H2BC13: variants seen among roughly 807,000 people sequenced by gnomAD.
H2BC13 encodes histone H2B type 1-L.
H2BC13 carries 12 observed loss-of-function variants against 6.3 expected under a neutral mutation model. The observed-to-expected ratio is 1.90, with a 90% confidence interval of 1.22 to 3.08. The LOEUF (loss-of-function observed/expected upper bound fraction) is 3.08. H2BC13 is among the 30% of genes most tolerant of loss of function. The pLI is 0.00. For synonymous variants in H2BC13, 109 were observed against 74.3 expected (o/e 1.47, Z -2.40); for missense variants, 164 against 170.4 (o/e 0.96, Z 0.21).
chr6:27,807,824 T>C lies in H2BC13; in HGVS notation c.83A>G (p.Lys28Arg). The change falls in exon 1 of 1, where the codon AAG becomes AGG. Residue 28 changes from lysine to arginine, a missense_variant. Physicochemically the swap from Lys to Arg is conservative, Grantham distance 26. Transcript: ENST00000377401. ...CTCCTTGCGGCTGCGCTTGCGCTTC[T>C]TGCCATCCTTCTTCTGGGCCTTGGT... ...AVTKAQKKDG[K>R]KRKRSRKESY... The C allele has an allele frequency of 6.2e-7, 1 of 1,614,260 alleles. No homozygotes were observed. Among genetic ancestry groups the C allele is most frequent in the Non-Finnish European group, 8.5e-7 (1 of 1,180,048 alleles).
In H2BC13 at chr6:27,807,917, T is replaced by C. The variant is rs1158223239; in HGVS notation, c.-11A>G. On this transcript the variant is annotated 5_prime_UTR_variant, in exon 1 of 1. Transcript: ENST00000377401. ...GGCCAGCTCGGGCATAATGAAACAA[T>C]AGTGGCAAAACCAAAACAAGAAGTC... 16 of 1,612,922 alleles carry C rather than the reference T, an allele frequency of 9.9e-6. No individual in the cohort carries two copies. The highest frequency in any genetic ancestry group is 6.7e-5 in the Admixed American group (4 of 59,668).
At position 27,807,514 on chromosome 6, in the gene H2BC13, G is replaced by C. The variant is rs756982375; in HGVS notation, c.*12C>G. 6.2e-7 allele frequency: 1 copy of C among 1,613,786 alleles called. No homozygotes were observed. Among genetic ancestry groups the C allele is most frequent in the South Asian group, 1.1e-5 (1 of 91,056 alleles). ...TGAAAAGAGCCTTTGGGTTGGACAA[G>C]AGCTTGAGAATTTACTTGGAGCTGG... On this transcript the variant is annotated 3_prime_UTR_variant, in exon 1 of 1. Coordinates refer to ENST00000377401, the MANE Select transcript of H2BC13 (RefSeq NM_003519.4).
At position 27,807,615 on chromosome 6, in the gene H2BC13, C is replaced by G; in HGVS notation, c.292G>C (p.Ala98Pro). 1.9e-6 allele frequency: 3 copies of G among 1,614,222 alleles called. No homozygotes were observed. Among genetic ancestry groups the G allele is most frequent in the Non-Finnish European group, 2.5e-6 (3 of 1,180,036 alleles). Residue 98 changes from alanine to proline, a missense_variant, in exon 1 of 1, where the codon GCC (alanine) becomes CCC (proline). Coordinates refer to ENST00000377401, the MANE Select transcript of H2BC13 (RefSeq NM_003519.4). ...STITSREIQT[A>P]VRLLLPGELA... ...TCCCCCGGAAGCAGCAGGCGCACGG[C>G]GGTCTGGATCTCCCTGGAGGTGATG...
In H2BC13 at chr6:27,807,674, G is replaced by A. The variant is rs1281109818; in HGVS notation, c.233C>T (p.Ala78Val). 1.2e-6 allele frequency: 2 copies of A among 1,614,250 alleles called. No homozygotes were observed. Among genetic ancestry groups the A allele is most frequent in the Non-Finnish European group, 1.7e-6 (2 of 1,180,032 alleles). ...CTTGTTGTAGTGCGCCAGGCGGGAAGCCTCGCTTGCGATGCGCTCGAAGAT... is the reference window on the plus strand; with the variant it reads ...CTTGTTGTAGTGCGCCAGGCGGGAAACCTCGCTTGCGATGCGCTCGAAGAT... ...NDIFERIASE[A>V]SRLAHYNKRS... is the part of the protein sequence containing the mutation. The change falls in exon 1 of 1, where the codon GCT (alanine) becomes GTT (valine). Residue 78 changes from alanine to valine, a missense_variant. Physicochemically the swap from Ala to Val is moderately conservative, Grantham distance 64. Transcript: ENST00000377401.
rs1760468978 is a variant in H2BC13 at position 27,807,832 on chromosome 6, C to T, written c.75G>A (p.Lys25=). 2.5e-6 allele frequency: 4 copies of T among 1,614,176 alleles called. No homozygotes were observed. Among genetic ancestry groups the T allele is most frequent in the Non-Finnish European group, 3.4e-6 (4 of 1,179,976 alleles). ...GGCTGCGCTTGCGCTTCTTGCCATC[C>T]TTCTTCTGGGCCTTGGTCACCGCCT... ...SKKAVTKAQK[K]DGKKRKRSRK... The change falls in exon 1 of 1, where the codon AAG becomes AAA. Residue 25 remains lysine, a synonymous_variant. Transcript: ENST00000377401.
In H2BC13 at chr6:27,807,675, C is replaced by T; in HGVS notation, c.232G>A (p.Ala78Thr). 2 of 1,614,224 alleles carry T rather than the reference C, an allele frequency of 1.2e-6. No homozygotes were observed. Residue 78 changes from alanine (A) to threonine (T), a missense_variant, in exon 1 of 1, where the codon GCT becomes ACT. Transcript: ENST00000377401. The part of the protein sequence containing the change: ...NDIFERIASE[A>T]SRLAHYNKRS... ...TTGTTGTAGTGCGCCAGGCGGGAAG[C>T]CTCGCTTGCGATGCGCTCGAAGATG...
chr6:27,807,637 G>C lies in H2BC13; in HGVS notation c.270C>G (p.Ile90Met). 1.2e-6 allele frequency: 2 copies of C among 1,614,252 alleles called. No individual in the cohort carries two copies. Among genetic ancestry groups the C allele is most frequent in the Non-Finnish European group, 8.5e-7 (1 of 1,180,042 alleles). The change falls in exon 1 of 1, where the codon ATC (isoleucine) becomes ATG (methionine). Residue 90 changes from isoleucine (I) to methionine (M), a missense_variant. By Grantham distance (10) the Ile-to-Met change is conservative. Transcript: ENST00000377401. ...CGGCGGTCTGGATCTCCCTGGAGGT[G>C]ATGGTCGAGCGCTTGTTGTAGTGCG... ...RLAHYNKRST[I>M]TSREIQTAVR...
In H2BC13 at chr6:27,807,799, C is replaced by T. The variant is rs772348767; in HGVS notation, c.108G>A (p.Glu36=). 1 of 1,614,232 alleles carries T rather than the reference C, an allele frequency of 6.2e-7. No homozygotes were observed. The highest frequency in any genetic ancestry group is 8.5e-7 in the Non-Finnish European group (1 of 1,180,050). ...DGKKRKRSRK[E]SYSVYVYKVL... Reference sequence around the variant, plus strand: ...CCTTGTACACGTACACGGAGTAGCTCTCCTTGCGGCTGCGCTTGCGCTTCT... The same window carrying T: ...CCTTGTACACGTACACGGAGTAGCTTTCCTTGCGGCTGCGCTTGCGCTTCT... Residue 36 remains glutamate (E), a synonymous_variant, in exon 1 of 1, where the codon GAG becomes GAA. Coordinates refer to ENST00000377401, the MANE Select transcript of H2BC13 (RefSeq NM_003519.4).
In H2BC13 at chr6:27,807,699, T is replaced by C; in HGVS notation, c.208A>G (p.Ile70Val). The C allele has an allele frequency of 6.2e-7, 1 of 1,614,210 alleles. No homozygotes were observed. Among genetic ancestry groups the C allele is most frequent in the South Asian group, 1.1e-5 (1 of 91,088 alleles). ...GCCTCGCTTGCGATGCGCTCGAAGA[T>C]GTCGTTGACGAAGGAGTTCATGATT... ...MGIMNSFVND[I>V]FERIASEASR... The change falls in exon 1 of 1, where the codon ATC becomes GTC. Residue 70 changes from isoleucine (I) to valine (V), a missense_variant. By Grantham distance (29) the Ile-to-Val change is conservative. Transcript: ENST00000377401.
rs780475526 is a variant in H2BC13, at chr6:27,807,882, G to A, written c.25C>T (p.Pro9Ser). 3 of 1,614,174 alleles carry A rather than the reference G, an allele frequency of 1.9e-6. No homozygotes were observed. The highest frequency in any genetic ancestry group is 2.5e-6 in the Non-Finnish European group (3 of 1,180,032). Residue 9 changes from proline (P) to serine (S), a missense_variant, in exon 1 of 1, where the codon CCC becomes TCC. By Grantham distance (74) the Pro-to-Ser change is moderately conservative. Transcript: ENST00000377401. ...TTCTTGGAGCCCTTCTTCGGGGCGG[G>A]AGCAGACTTGGCCAGCTCGGGCATA... is the stretch of plus-strand genomic sequence containing the variant. The part of the protein sequence containing the change: MPELAKSA[P>S]APKKGSKKAV...
rs1415181890 is a variant in H2BC13 at position 27,807,775 on chromosome 6, C to T, written c.132G>A (p.Lys44=). Residue 44 remains lysine (K), a synonymous_variant, in exon 1 of 1, where the codon AAG becomes AAA. Transcript: ENST00000377401. Reference sequence around the variant, plus strand: ...TGTCGGGGTGGACCTGCTTCAGCACCTTGTACACGTACACGGAGTAGCTCT... The same window carrying T: ...TGTCGGGGTGGACCTGCTTCAGCACTTTGTACACGTACACGGAGTAGCTCT... ...RKESYSVYVY[K]VLKQVHPDTG... 3 of 1,614,246 alleles carry T rather than the reference C, an allele frequency of 1.9e-6. No homozygotes were observed. The highest frequency in any genetic ancestry group is 1.6e-4 in the Middle Eastern group (1 of 6,062).
rs1363953304 is a variant in H2BC13 at position 27,807,748 on chromosome 6, G to T, written c.159C>A (p.Thr53=). 2 of 1,614,140 alleles carry T rather than the reference G, an allele frequency of 1.2e-6. No individual in the cohort carries two copies. Among genetic ancestry groups the T allele is most frequent in the East Asian group, 2.2e-5 (1 of 44,894 alleles). The change falls in exon 1 of 1, where the codon ACC becomes ACA. Residue 53 remains threonine (T), a synonymous_variant. Transcript: ENST00000377401. The part of the protein sequence containing the change: ...YKVLKQVHPD[T]GISSKAMGIM... ...TTCCCATGGCCTTAGAAGAGATGCC[G>T]GTGTCGGGGTGGACCTGCTTCAGCA... is the stretch of plus-strand genomic sequence containing the variant.
In H2BC13 at chr6:27,807,720, T is replaced by G; in HGVS notation, c.187A>C (p.Met63Leu). Residue 63 changes from methionine to leucine, a missense_variant, in exon 1 of 1, where the codon ATG becomes CTG. Physicochemically the swap from Met to Leu is conservative, Grantham distance 15. Coordinates refer to ENST00000377401, the MANE Select transcript of H2BC13 (RefSeq NM_003519.4). ...TGISSKAMGI[M>L]NSFVNDIFER... ...AAGATGTCGTTGACGAAGGAGTTCATGATTCCCATGGCCTTAGAAGAGATG... is the reference window on the plus strand; with the variant it reads ...AAGATGTCGTTGACGAAGGAGTTCAGGATTCCCATGGCCTTAGAAGAGATG... 3 of 1,614,230 alleles carry G rather than the reference T, an allele frequency of 1.9e-6. No individual in the cohort carries two copies. The highest frequency in any genetic ancestry group is 2.5e-6 in the Non-Finnish European group (3 of 1,180,036).
At position 27,807,854 on chromosome 6, in the gene H2BC13, GC is replaced by G. The variant is rs1184365726; in HGVS notation, c.52del (p.Ala18ArgfsTer2). On this transcript the variant is annotated frameshift_variant, in exon 1 of 1. Coordinates refer to ENST00000377401, the MANE Select transcript of H2BC13 (RefSeq NM_003519.4). LOFTEE classifies it high-confidence loss of function. ...APAPKKGSKKAVTKAQKKDGK... is the reference protein window; with the variant it reads ...APAPKKGSKKXVTKAQKKDGK... ...ATCCTTCTTCTGGGCCTTGGTCACC[GC>G]CTTCTTGGAGCCCTTCTTCGGGGCG... 4 of 1,614,034 alleles carry G rather than the reference GC, an allele frequency of 2.5e-6. No individual in the cohort carries two copies. In the African/African-American group the frequency reaches 5.3e-5, roughly 22 times the overall value.
Position 27,807,692 on chromosome 6 carries a change from T to C in H2BC13, c.215A>G (p.Glu72Gly), listed in dbSNP as rs1426231050. 13 of 1,614,240 alleles carry C rather than the reference T, an allele frequency of 8.1e-6. No individual in the cohort carries two copies. The highest frequency in any genetic ancestry group is 1.1e-5 in the Non-Finnish European group (13 of 1,180,044). ...GCGGGAAGCCTCGCTTGCGATGCGC[T>C]CGAAGATGTCGTTGACGAAGGAGTT... Reference protein sequence around the residue: ...IMNSFVNDIFERIASEASRLA... With the variant: ...IMNSFVNDIFGRIASEASRLA... Residue 72 changes from glutamate (E) to glycine (G), a missense_variant, in exon 1 of 1, where the codon GAG becomes GGG. Coordinates refer to ENST00000377401, the MANE Select transcript of H2BC13 (RefSeq NM_003519.4).
At position 27,807,902 on chromosome 6, in the gene H2BC13, G is replaced by A. The variant is rs1760472468; in HGVS notation, c.5C>T (p.Pro2Leu). 1.2e-6 allele frequency: 2 copies of A among 1,614,046 alleles called. No homozygotes were observed. Among genetic ancestry groups the A allele is most frequent in the Non-Finnish European group, 1.7e-6 (2 of 1,180,016 alleles). Residue 2 changes from proline to leucine, a missense_variant, in exon 1 of 1, where the codon CCC becomes CTC. Physicochemically the swap from Pro to Leu is moderately conservative, Grantham distance 98. Coordinates refer to ENST00000377401, the MANE Select transcript of H2BC13 (RefSeq NM_003519.4). ...GGCGGGAGCAGACTTGGCCAGCTCG[G>A]GCATAATGAAACAATAGTGGCAAAA... Reference protein sequence around the residue: MPELAKSAPAPK... With the variant: MLELAKSAPAPK...
Position 27,807,522 on chromosome 6 carries a change from G to T in H2BC13, c.*4C>A, listed in dbSNP as rs1378512083. 2.5e-6 allele frequency: 4 copies of T among 1,613,726 alleles called. No homozygotes were observed. In the East Asian group the frequency reaches 8.9e-5, roughly 36 times the overall value. The stretch of plus-strand genomic sequence containing the variant: ...GCCTTTGGGTTGGACAAGAGCTTGA[G>T]AATTTACTTGGAGCTGGTGTACTTG... On this transcript the variant is annotated 3_prime_UTR_variant, in exon 1 of 1. Transcript: ENST00000377401.
chr6:27,807,823 C>T lies in H2BC13; in HGVS notation c.84G>A (p.Lys28=), dbSNP rs567071925. The T allele has an allele frequency of 1.2e-5, 20 of 1,614,246 alleles. 1 individual carries two copies. The Admixed American group carries it at 3.3e-4, about 27-fold the overall frequency. ...TCTCCTTGCGGCTGCGCTTGCGCTT[C>T]TTGCCATCCTTCTTCTGGGCCTTGG... ...AVTKAQKKDG[K]KRKRSRKESY... Residue 28 remains lysine (K), a synonymous_variant, in exon 1 of 1, where the codon AAG becomes AAA. Transcript: ENST00000377401.
Position 27,807,680 on chromosome 6 carries a change from C to G in H2BC13, c.227G>C (p.Ser76Thr), listed in dbSNP as rs754457873. The G allele has an allele frequency of 3.1e-6, 5 of 1,614,124 alleles. No individual in the cohort carries two copies. The Admixed American group carries it at 8.3e-5, about 27-fold the overall frequency. Residue 76 changes from serine to threonine, a missense_variant, in exon 1 of 1, where the codon AGC becomes ACC. Coordinates refer to ENST00000377401, the MANE Select transcript of H2BC13 (RefSeq NM_003519.4). ...FVNDIFERIA[S>T]EASRLAHYNK... ...GTAGTGCGCCAGGCGGGAAGCCTCG[C>G]TTGCGATGCGCTCGAAGATGTCGTT...
Sources: allele counts gnomAD v4.1 joint callset, GRCh38; gene constraint gnomAD v4.1.1; transcripts MANE v1.5; gene names NCBI Gene and HGNC (gene_info 2026-07-23, HGNC 2026-07-21).